The following RIN3 variants were observed in gnomAD, a reference collection of about 807,000 sequenced individuals.
The protein encoded by RIN3 is Ras and Rab interactor 3.
Under a neutral mutation model 76.3 loss-of-function variants are expected in RIN3, and 54 were observed. That is an observed-to-expected ratio of 0.71 (90% CI 0.57 to 0.89). RIN3 has a LOEUF of 0.89. Ranked by LOEUF, RIN3 falls within the 40% of genes least tolerant of loss-of-function variation. The pLI is 0.00. For missense variants in RIN3, 1,256 were observed against 1,322.1 expected (o/e 0.95, Z 0.78); for synonymous variants, 576 against 564.0 (o/e 1.02, Z -0.30).
chr14:92,538,724 G>T (rs1477485307), intron 1 of RIN3, among the ~76,000 whole-genome samples: 1 of 152,146 alleles, frequency 6.6e-6, no homozygotes, highest in East Asian at 1.9e-4. Flanking sequence ...CCAGCTCAAT[G>T]CCACATATGA....
At chr14:92,529,662 C>T (rs1248014481) in intron 1 of RIN3, among the ~76,000 whole-genome samples, 1 of 152,204 alleles carries the variant, frequency 6.6e-6, no homozygotes, top group Non-Finnish European at 1.5e-5. Context: ...TGTTTCCCTT[C>T]AGCTCCTGTG....
At chr14:92,537,737 C>T (rs902378522) in intron 1 of RIN3, among the ~76,000 whole-genome samples, 1 of 150,730 alleles carries the variant, frequency 6.6e-6, no homozygotes, top group Non-Finnish European at 1.5e-5. Context: ...CTCTGCCCCC[C>T]CGCCACCAGG....
chr14:92,565,849 G>A (rs1008293059), intron 2 of RIN3, among the ~76,000 whole-genome samples: 1 of 152,098 alleles, frequency 6.6e-6, no homozygotes, highest in African/African-American at 2.4e-5. Flanking sequence ...CTTATCCTGT[G>A]ACTAAGAATG....
intron 3 of RIN3, among the ~76,000 whole-genome samples, chr14:92,609,843 CTGTGTGTG>C (rs34350495): frequency 0.02 from 2,815 of 138,448 alleles, 43 homozygotes; most frequent in African/African-American, 0.042. Flanking sequence ...GAAATTCAGT[CTGTGTGTG>C]TGTGTGTGTG....
chr14:92,633,461 C>T (rs926051500), intron 4 of RIN3, among the ~76,000 whole-genome samples: 20 of 152,316 alleles, frequency 1.3e-4, no homozygotes, highest in South Asian at 4.1e-4. Context: ...GAGGAGGGGA[C>T]GGCTGGCTGG....
chr14:92,637,891 C>G (rs1886832082), intron 4 of RIN3, among the ~76,000 whole-genome samples: 1 of 152,208 alleles, frequency 6.6e-6, no homozygotes, highest in African/African-American at 2.4e-5. Flanking sequence ...AAACTTACTA[C>G]TGGCTGGGGG....
At chr14:92,664,976 T>C (rs1370040905) in intron 7 of RIN3, among the ~76,000 whole-genome samples, 2 of 152,234 alleles carry the variant, frequency 1.3e-5, no homozygotes, top group African/African-American at 4.8e-5. Flanking sequence ...TGTCATATGT[T>C]TTTAACCTCC....
intron 1 of RIN3, among the ~76,000 whole-genome samples, chr14:92,555,522 G>A (rs1486920530): frequency 6.6e-6 from 1 of 152,150 alleles, no homozygotes; most frequent in Non-Finnish European, 1.5e-5. Flanking sequence ...TCCAGAAAAG[G>A]AGGAACAACA....
chr14:92,667,151 G>A (rs936281360), intron 7 of RIN3, among the ~76,000 whole-genome samples: 1 of 152,180 alleles, frequency 6.6e-6, no homozygotes, highest in East Asian at 1.9e-4. Flanking sequence ...TGGGCCTTGT[G>A]ACATTGACGG....
intron 7 of RIN3, among the ~76,000 whole-genome samples, chr14:92,669,079 TAAGC>T (rs1330842783): frequency 1.3e-5 from 2 of 152,248 alleles, no homozygotes; most frequent in East Asian, 1.9e-4. Flanking sequence ...AAGCATTAAA[TAAGC>T]AAGCATCTTG....
At chr14:92,615,073 C>T (rs1000414723) in intron 3 of RIN3, among the ~76,000 whole-genome samples, 5 of 151,968 alleles carry the variant, frequency 3.3e-5, no homozygotes, top group African/African-American at 1.2e-4. Flanking sequence ...GAACTCCTGA[C>T]CTTGTGATTC....
intron 3 of RIN3, among the ~76,000 whole-genome samples, chr14:92,585,089 C>T (rs548727861): frequency 7.2e-5 from 11 of 152,248 alleles, no homozygotes; most frequent in South Asian, 2.1e-4. Context: ...TCACTGCAAC[C>T]GCAGCTGCAA....
At chr14:92,618,536 A>G (rs1886055673) in intron 4 of RIN3, among the ~76,000 whole-genome samples, 1 of 152,250 alleles carries the variant, frequency 6.6e-6, no homozygotes, top group Admixed American at 6.5e-5. Context: ...TCTAAACTAT[A>G]AAAGCTTTTT....
At chr14:92,528,739 G>A (rs1896811343) in intron 1 of RIN3, among the ~76,000 whole-genome samples, 1 of 152,226 alleles carries the variant, frequency 6.6e-6, no homozygotes, top group African/African-American at 2.4e-5. Flanking sequence ...TGTGAGCAGT[G>A]TGTAGCACAG....
intron 4 of RIN3, among the ~76,000 whole-genome samples, chr14:92,619,435 C>CTTT (rs33981976): frequency 5.5e-5 from 4 of 73,148 alleles, no homozygotes; most frequent in East Asian, 3.4e-4. Flanking sequence ...TTCTAGTAGT[C>CTTT]TTTTTTTTTT....
chr14:92,594,505 A>G (rs1467352133), intron 3 of RIN3, among the ~76,000 whole-genome samples: 1 of 152,238 alleles, frequency 6.6e-6, no homozygotes, highest in African/African-American at 2.4e-5. Context: ...CTAGAAATCA[A>G]TAACATAAAG....
intron 2 of RIN3, among the ~76,000 whole-genome samples, chr14:92,563,526 G>A (rs1391421375): frequency 6.6e-6 from 1 of 152,108 alleles, no homozygotes; most frequent in Non-Finnish European, 1.5e-5. Context: ...TATTCTATAA[G>A]GGAGGAAACT....
Position 92,615,441 on chromosome 14 carries a change from G to A in RIN3, c.402G>A (p.Glu134=). The change falls in exon 4 of 10, where the codon GAG becomes GAA. Residue 134 remains glutamate, a synonymous_variant. Coordinates refer to ENST00000216487, the MANE Select transcript of RIN3 (RefSeq NM_024832.5). ...TGGAAGGCTCGGCTCTTGTGTTTGA[G>A]GACATCTTCAGATTGATTGCGTTCT... ...LYLEGSALVF[E]DIFRLIAFYC... The A allele has an allele frequency of 3.1e-6, 5 of 1,614,122 alleles. No individual in the cohort carries two copies. Among genetic ancestry groups the A allele is most frequent in the Non-Finnish European group, 4.2e-6 (5 of 1,180,018 alleles).
chr14:92,638,506 TC>T (rs939184718), intron 4 of RIN3, among the ~76,000 whole-genome samples: 1 of 152,108 alleles, frequency 6.6e-6, no homozygotes, highest in African/African-American at 2.4e-5. Flanking sequence ...CAGGAGGCTG[TC>T]CTGGCAGTCA....
Sources: gnomAD v4.1 joint callset for allele counts (sites outside exome capture counted in the v4.1 genomes callset) on GRCh38, gnomAD v4.1.1 for gene constraint, MANE v1.5 for transcripts, NCBI Gene and HGNC (gene_info 2026-07-23, HGNC 2026-07-21) for gene names.